SCFD2: variants seen among roughly 807,000 people sequenced by gnomAD.
SCFD2 encodes sec1 family domain containing 2, also known as sec1 family domain-containing protein 2.
A neutral mutation model predicts 58.9 loss-of-function variants in SCFD2; 54 were observed. The ratio of observed to expected loss-of-function variants is 0.92; its 90% CI spans 0.74 to 1.15. SCFD2 has a LOEUF of 1.15. Ranked by LOEUF, SCFD2 falls within the 50% of genes most tolerant of loss-of-function variation. The pLI is 0.00. For synonymous variants in SCFD2, 321 were observed against 335.9 expected (o/e 0.96, Z 0.49); for missense variants, 805 against 836.6 (o/e 0.96, Z 0.47).
intron 7 of SCFD2, among the ~76,000 whole-genome samples, chr4:52,890,653 C>T (rs1204864979): frequency 6.6e-6 from 1 of 152,178 alleles, no homozygotes; most frequent in East Asian, 1.9e-4. Context: ...TAAAGCAAGT[C>T]CGAGTCACTG....
intron 2 of SCFD2, among the ~76,000 whole-genome samples, chr4:53,315,820 G>A (rs1732845579): frequency 6.6e-6 from 1 of 152,114 alleles, no homozygotes; most frequent in Non-Finnish European, 1.5e-5. Flanking sequence ...TCTTTTCCAT[G>A]AGAATATGTA....
At chr4:53,247,464 C>A (rs1730126715) in intron 4 of SCFD2, among the ~76,000 whole-genome samples, 1 of 152,126 alleles carries the variant, frequency 6.6e-6, no homozygotes. Context: ...CTATTATTCA[C>A]AATAGCAAAG....
At chr4:53,242,864 C>T (rs1310676380) in intron 4 of SCFD2, among the ~76,000 whole-genome samples, 1 of 152,092 alleles carries the variant, frequency 6.6e-6, no homozygotes. Flanking sequence ...CAGACTATAA[C>T]AAGTTGAGGA....
chr4:53,077,334 A>G (rs1435902779), intron 5 of SCFD2, among the ~76,000 whole-genome samples: 1 of 152,214 alleles, frequency 6.6e-6, no homozygotes, highest in Non-Finnish European at 1.5e-5. Flanking sequence ...TGGAAAAATC[A>G]TGGGAAATTC....
At chr4:53,237,463 C>T (rs1402416935) in intron 4 of SCFD2, among the ~76,000 whole-genome samples, 10 of 123,752 alleles carry the variant, frequency 8.1e-5, no homozygotes, top group Non-Finnish European at 1.5e-4. Context: ...TCTGGCCGGG[C>T]GGGGGGGCTG....
At chr4:53,052,168 T>C in intron 5 of SCFD2, among the ~76,000 whole-genome samples, 1 of 147,204 alleles carries the variant, frequency 6.8e-6, no homozygotes, top group East Asian at 1.9e-4. Flanking sequence ...ATTAGGTCAC[T>C]ACCCACAACT....
intron 5 of SCFD2, among the ~76,000 whole-genome samples, chr4:53,014,654 G>C (rs2148809884): frequency 1.3e-5 from 2 of 152,244 alleles, no homozygotes; most frequent in East Asian, 3.9e-4. Flanking sequence ...ATGATATTAG[G>C]GCTCCTTGGG....
chr4:52,997,420 A>G (rs907894086), intron 5 of SCFD2, among the ~76,000 whole-genome samples: 2 of 152,212 alleles, frequency 1.3e-5, no homozygotes, highest in Admixed American at 6.5e-5. Context: ...GAAAAAGCCT[A>G]TTGTAGTGTG....
At chr4:53,212,746 G>A (rs373085166) in intron 4 of SCFD2, among the ~76,000 whole-genome samples, 2 of 151,754 alleles carry the variant, frequency 1.3e-5, no homozygotes, top group African/African-American at 4.8e-5. Context: ...ATTGTTATAT[G>A]GGATCATTTT....
chr4:53,171,950 G>T (rs917585262), intron 4 of SCFD2, among the ~76,000 whole-genome samples: 45 of 149,492 alleles, frequency 3.0e-4, no homozygotes, highest in African/African-American at 1.1e-3. Flanking sequence ...TAATGTCATT[G>T]ATTTGATTAT....
chr4:53,181,227 C>T (rs564791993), intron 4 of SCFD2, among the ~76,000 whole-genome samples: 1 of 152,292 alleles, frequency 6.6e-6, no homozygotes, highest in South Asian at 2.1e-4. Context: ...AGACCAATAT[C>T]CTTGATGAAC....
chr4:52,960,800 A>G (rs148743006), intron 5 of SCFD2, among the ~76,000 whole-genome samples: 1 of 152,288 alleles, frequency 6.6e-6, no homozygotes, highest in East Asian at 1.9e-4. Flanking sequence ...TTTATTATAC[A>G]TCAACTATGC....
At chr4:53,114,401 A>T (rs1328197220) in intron 5 of SCFD2, among the ~76,000 whole-genome samples, 1 of 152,136 alleles carries the variant, frequency 6.6e-6, no homozygotes, top group Admixed American at 6.6e-5. Flanking sequence ...AAACCTGGGC[A>T]GAGCACATGA....
chr4:52,912,569 G>A (rs1333901554), intron 6 of SCFD2, among the ~76,000 whole-genome samples: 1 of 152,052 alleles, frequency 6.6e-6, no homozygotes, highest in African/African-American at 2.4e-5. Flanking sequence ...CAGAACAACT[G>A]GATTACATTG....
intron 3 of SCFD2, among the ~76,000 whole-genome samples, chr4:53,283,626 T>C (rs1187088880): frequency 6.6e-6 from 1 of 151,956 alleles, no homozygotes; most frequent in African/African-American, 2.4e-5. Flanking sequence ...TGGAGTGCAA[T>C]GGTGTAATCT....
intron 1 of SCFD2, among the ~76,000 whole-genome samples, chr4:53,362,097 G>A (rs1046560043): frequency 2.6e-5 from 4 of 152,132 alleles, no homozygotes; most frequent in African/African-American, 9.7e-5. Context: ...AATAGTAAAG[G>A]CTATGACAAA....
intron 5 of SCFD2, among the ~76,000 whole-genome samples, chr4:52,961,281 G>A (rs1443701516): frequency 1.3e-5 from 2 of 152,090 alleles, no homozygotes; most frequent in African/African-American, 4.8e-5. Context: ...TTTTTGGGGG[G>A]CTGCTTGTTC....
At chr4:53,277,397 G>A (rs1332864566) in intron 3 of SCFD2, among the ~76,000 whole-genome samples, 5 of 152,180 alleles carry the variant, frequency 3.3e-5, no homozygotes, top group African/African-American at 1.2e-4. Flanking sequence ...TGCAGGTGAT[G>A]GCAGTGTGGC....
At chr4:53,289,397 AT>A (rs1577934326) in intron 3 of SCFD2, among the ~76,000 whole-genome samples, 1 of 152,142 alleles carries the variant, frequency 6.6e-6, no homozygotes. Context: ...AACAAAAAAA[AT>A]GGTCTTATTA....
Sources: allele counts gnomAD v4.1 joint callset (sites outside exome capture counted in the v4.1 genomes callset), GRCh38; gene constraint gnomAD v4.1.1; transcripts MANE v1.5; gene names NCBI Gene and HGNC (gene_info 2026-07-23, HGNC 2026-07-21).